Variants in MON2 observed in about 807,000 individuals in gnomAD.
The protein encoded by MON2 is MON2 regulator of endosome-to-Golgi trafficking, also known as protein MON2 homolog.
MON2 carries 84 observed loss-of-function variants against 208.6 expected under a neutral mutation model. The observed-to-expected ratio is 0.40, with a 90% CI of 0.34 to 0.48. The LOEUF (loss-of-function observed/expected upper bound fraction) is 0.48, where lower values mean the gene tolerates loss of function less well. MON2 is among the 20% of genes least tolerant of loss of function. The pLI is 0.59. For missense variants in MON2, 1,611 were observed against 2,015.4 expected, an observed-to-expected ratio of 0.80 and a Z score of 3.84; for synonymous variants, 660 against 694.0, an observed-to-expected ratio of 0.95 and a Z score of 0.77.
intron 8 of MON2, among the ~76,000 whole-genome samples, chr12:62,522,663 A>G (rs2072113200): frequency 6.6e-6 from 1 of 152,194 alleles, no homozygotes; most frequent in South Asian, 2.1e-4. Context: ...CATAAGTGCT[A>G]ATCTTAATAC....
At chr12:62,513,154 A>T (rs1459178224) in intron 8 of MON2, among the ~76,000 whole-genome samples, 3 of 152,174 alleles carry the variant, frequency 2.0e-5, no homozygotes, top group East Asian at 3.9e-4. Flanking sequence ...TTGGTGATTA[A>T]CATTCAGCTC....
chr12:62,549,677 G>T lies in MON2; in HGVS notation c.2763G>T (p.Leu921Phe). 6.3e-7 allele frequency: 1 copy of T among 1,592,460 alleles called. No individual in the cohort carries two copies. The highest frequency in any genetic ancestry group is 8.5e-7 in the Non-Finnish European group (1 of 1,173,712). The change falls in exon 23 of 35, where the codon TTG becomes TTT. Residue 921 changes from leucine (L) to phenylalanine (F), a missense_variant. Coordinates refer to ENST00000393630, the MANE Select transcript of MON2 (RefSeq NM_015026.3). Reference protein sequence around the residue: ...GAIRNDQGESLIRTAFQCLQL... With the variant: ...GAIRNDQGESFIRTAFQCLQL... ...TTTCTTTTGTTTTCAGAGAATCCTTGATACGAACTGCATTCCAGTGTCTTC... is the reference window on the plus strand; with the variant it reads ...TTTCTTTTGTTTTCAGAGAATCCTTTATACGAACTGCATTCCAGTGTCTTC...
chr12:62,529,168 TA>T (rs2072491553), intron 11 of MON2, among the ~76,000 whole-genome samples: 1 of 152,208 alleles, frequency 6.6e-6, no homozygotes, highest in Admixed American at 6.6e-5. Context: ...TTAAATTTCA[TA>T]ATCAACAATG....
At chr12:62,480,719 C>T (rs1311872826) in intron 1 of MON2, among the ~76,000 whole-genome samples, 1 of 152,216 alleles carries the variant, frequency 6.6e-6, no homozygotes, top group Non-Finnish European at 1.5e-5. Context: ...CATCTATCAT[C>T]TAGCACGCTA....
rs768646077 is a variant in MON2 at position 62,524,637 on chromosome 12, A to G, written c.1107A>G (p.Leu369=). ...GATTCTGTGTGCAGCCTCAACTATT[A>G]AGGTAAAACCTCAGCAATAGTTTGT... ...IHRFCVQPQL[L]RSFCQSYDMK... Residue 369 remains leucine, a splice_region_variant and synonymous_variant, in exon 9 of 35, where the codon TTA becomes TTG. Coordinates refer to ENST00000393630, the MANE Select transcript of MON2 (RefSeq NM_015026.3). The G allele has an allele frequency of 6.2e-7, 1 of 1,612,794 alleles. No individual in the cohort carries two copies. Among genetic ancestry groups the G allele is most frequent in the Non-Finnish European group, 8.5e-7 (1 of 1,179,240 alleles).
chr12:62,566,288 A>AT (rs2074384396), intron 28 of MON2, 34 bp from the exon 29 acceptor site: 1 of 1,594,024 alleles, frequency 6.3e-7, no homozygotes, highest in African/African-American at 1.4e-5. Context: ...ATCTCAGTTT[A>AT]TTTTTAACTG....
At chr12:62,518,687 A>G (rs770228895) in intron 8 of MON2, among the ~76,000 whole-genome samples, 48 of 152,208 alleles carry the variant, frequency 3.2e-4, no homozygotes, top group Non-Finnish European at 2.8e-4. Flanking sequence ...AAAAAAATGG[A>G]AAGTTACTGC....
At chr12:62,551,441 C>T (rs368650612) in intron 23 of MON2, among the ~76,000 whole-genome samples, 37 of 152,180 alleles carry the variant, frequency 2.4e-4, no homozygotes, top group Non-Finnish European at 4.9e-4. Context: ...TACATAGGTG[C>T]GGCTCATGCA....
In MON2 at chr12:62,592,853, A is replaced by G. The variant is rs2075440825; in HGVS notation, c.*104A>G. 8.2e-7 allele frequency: 1 copy of G among 1,222,198 alleles called. No homozygotes were observed. The highest frequency in any genetic ancestry group is 1.5e-5 in the African/African-American group (1 of 66,560). The allele number at this position is 1,222,198 out of a possible 1,614,324, so 75.7% of individuals were successfully genotyped here. A position where few individuals can be genotyped will look rare whatever the true frequency, so the allele number is the denominator to read the frequency against. ...TTTCTTACTGCAGATAATTCTTGGC[A>G]GCTGTTGTTGGCCTCCTTTAAATTC... On this transcript the variant is annotated 3_prime_UTR_variant, in exon 35 of 35. Coordinates refer to ENST00000393630, the MANE Select transcript of MON2 (RefSeq NM_015026.3).
At chr12:62,536,466 G>T (rs1387521645) in intron 14 of MON2, among the ~76,000 whole-genome samples, 1 of 151,990 alleles carries the variant, frequency 6.6e-6, no homozygotes. Flanking sequence ...CTCCCAAGTA[G>T]TTGTTATTAC....
intron 8 of MON2, among the ~76,000 whole-genome samples, chr12:62,521,752 C>A (rs1260428370): frequency 6.6e-6 from 1 of 152,186 alleles, no homozygotes; most frequent in East Asian, 1.9e-4. Context: ...ATTTCTCACT[C>A]ATTAGGTATA....
At chr12:62,544,605 T>C (rs2073401626) in intron 20 of MON2, among the ~76,000 whole-genome samples, 1 of 152,186 alleles carries the variant, frequency 6.6e-6, no homozygotes, top group Non-Finnish European at 1.5e-5. Flanking sequence ...TATTATTTGA[T>C]TAATGAGGGT....
At chr12:62,489,907 TC>T (rs974116478) in intron 2 of MON2, 13 of 367,134 alleles carry the variant, frequency 3.5e-5, no homozygotes, top group Non-Finnish European at 5.9e-5. Context: ...AATGTCTAAG[TC>T]ACATTTTCTT....
At chr12:62,476,037 A>C (rs1273380610) in intron 1 of MON2, among the ~76,000 whole-genome samples, 1 of 151,896 alleles carries the variant, frequency 6.6e-6, no homozygotes, top group African/African-American at 2.4e-5. Context: ...GGAAGGAAAA[A>C]GCATACCACC....
Position 62,537,647 on chromosome 12 carries a change from G to T in MON2, c.2059G>T (p.Ala687Ser). Residue 687 changes from alanine to serine, a missense_variant, in exon 16 of 35, where the codon GCG (alanine) becomes TCG (serine). By Grantham distance (99) the Ala-to-Ser change is moderately conservative. Transcript: ENST00000393630. Reference sequence around the variant, plus strand: ...GTGTATGAGGACTTTACTTAACTTGGCGCATTGCCATGGGGCTGTTCTTGG... The same window carrying T: ...GTGTATGAGGACTTTACTTAACTTGTCGCATTGCCATGGGGCTGTTCTTGG... ...IQCMRTLLNL[A>S]HCHGAVLGTS... 1.2e-6 allele frequency: 2 copies of T among 1,613,304 alleles called. No individual in the cohort carries two copies. The highest frequency in any genetic ancestry group is 1.7e-6 in the Non-Finnish European group (2 of 1,179,704).
chr12:62,538,815 A>G (rs570128752), intron 19 of MON2, among the ~76,000 whole-genome samples: 3 of 149,436 alleles, frequency 2.0e-5, no homozygotes, highest in Admixed American at 6.7e-5. Context: ...TCATGATAAT[A>G]CTTGTAATTA....
rs761367952 is a variant in MON2 at position 62,467,197 on chromosome 12, C to T, written c.-11C>T. The stretch of plus-strand genomic sequence containing the variant: ...GTACCTCTCGGAAATTGGCTGGGAC[C>T]TTGGAGGATCATGTCCGGCACCAGC... On this transcript the variant is annotated 5_prime_UTR_variant, in exon 1 of 35. Transcript: ENST00000393630. 2.5e-6 allele frequency: 4 copies of T among 1,609,954 alleles called. No individual in the cohort carries two copies. In the East Asian group the frequency reaches 6.7e-5, roughly 27 times the overall value.
chr12:62,549,176 G>T (rs1050466258), intron 22 of MON2, among the ~76,000 whole-genome samples: 1 of 151,834 alleles, frequency 6.6e-6, no homozygotes, highest in Non-Finnish European at 1.5e-5. Context: ...CTTTGTTTTT[G>T]TTAATTTGTT....
intron 25 of MON2, 117 bp from the exon 26 acceptor site, chr12:62,560,374 C>T: frequency 2.0e-6 from 2 of 994,996 alleles, no homozygotes; most frequent in Non-Finnish European, 3.0e-6. Context: ...CATATATTTT[C>T]CAGTTCTGTA....
Sources: allele counts gnomAD v4.1 joint callset (sites outside exome capture counted in the v4.1 genomes callset), GRCh38; gene constraint gnomAD v4.1.1; transcripts MANE v1.5; gene names NCBI Gene and HGNC (gene_info 2026-07-23, HGNC 2026-07-21).